The following ADGRV1 variants were observed in gnomAD, a reference collection of about 807,000 sequenced individuals.
The protein encoded by ADGRV1 is G-protein coupled receptor 98.
ADGRV1 carries 359 observed loss-of-function variants against 596.2 expected under a neutral mutation model. The observed-to-expected ratio is 0.60, with a 90% CI of 0.55 to 0.66. ADGRV1 has a LOEUF of 0.66. ADGRV1 is among the 30% of genes least tolerant of loss of function. ADGRV1 has a pLI of 0.00. For missense variants in ADGRV1, 7,274 were observed against 7,575.6 expected (o/e 0.96, Z 1.48); for synonymous variants, 2,681 against 2,679.2 (o/e 1.00, Z -0.02).
chr5:90,964,064 G>A (rs576801621), intron 83 of ADGRV1, among the ~76,000 whole-genome samples: 1 of 152,030 alleles, frequency 6.6e-6, no homozygotes, highest in South Asian at 2.1e-4. Context: ...TTTACCACAG[G>A]GATGCTGCCC....
intron 43 of ADGRV1, chr5:90,718,243 T>A (rs1007372990): frequency 1.3e-5 from 2 of 152,358 alleles, no homozygotes; most frequent in Non-Finnish European, 2.9e-5. Context: ...GTATTTACCC[T>A]TTTGTGTCTG....
intron 1 of ADGRV1, among the ~76,000 whole-genome samples, chr5:90,566,542 A>G (rs565830713): frequency 6.6e-6 from 1 of 152,052 alleles, no homozygotes; most frequent in African/African-American, 2.4e-5. Context: ...TGATTATTTT[A>G]CATATTTTGT....
At position 90,811,337 on chromosome 5, in the gene ADGRV1, A is replaced by G; in HGVS notation, c.16077A>G (p.Thr5359=). Residue 5359 remains threonine, a splice_region_variant and synonymous_variant, in exon 74 of 90, where the codon ACA becomes ACG. Coordinates refer to ENST00000405460, the MANE Select transcript of ADGRV1 (RefSeq NM_032119.4). ...CAGCTTTTGCCATGGTTATTATTAC[A>G]GGTATATCTTTGAAATGATGGAGAT... ...GFAAFAMVII[T]GSDLHNGIIG... 1.3e-6 allele frequency: 2 copies of G among 1,579,270 alleles called. No individual in the cohort carries two copies. The highest frequency in any genetic ancestry group is 1.7e-6 in the Non-Finnish European group (2 of 1,164,218).
intron 1 of ADGRV1, among the ~76,000 whole-genome samples, chr5:90,576,318 G>A (rs563118587): frequency 7.9e-5 from 12 of 151,416 alleles, no homozygotes; most frequent in Non-Finnish European, 1.5e-4. Context: ...GTGTGTCCAG[G>A]TGTTCTCATT....
chr5:90,742,813 G>A (rs975614378), intron 50 of ADGRV1, among the ~76,000 whole-genome samples: 4 of 152,186 alleles, frequency 2.6e-5, no homozygotes, highest in African/African-American at 4.8e-5. Context: ...GTAAAACCAC[G>A]GGGGTTGGTG....
intron 88 of ADGRV1, among the ~76,000 whole-genome samples, chr5:91,150,633 T>C (rs1795972437): frequency 6.6e-6 from 1 of 152,198 alleles, no homozygotes; most frequent in Admixed American, 6.5e-5. Context: ...CATAGCTCTC[T>C]TCCTCCACCC....
At chr5:90,707,312 G>A (rs1748728098) in intron 38 of ADGRV1, among the ~76,000 whole-genome samples, 1 of 152,156 alleles carries the variant, frequency 6.6e-6, no homozygotes, top group Non-Finnish European at 1.5e-5. Flanking sequence ...CACGGAGGGA[G>A]TAGGAGATAG....
chr5:90,850,046 A>G (rs1486816448), intron 79 of ADGRV1, among the ~76,000 whole-genome samples: 1 of 152,160 alleles, frequency 6.6e-6, no homozygotes, highest in African/African-American at 2.4e-5. Context: ...CAGCTTGCCA[A>G]GGGTCACACA....
intron 85 of ADGRV1, among the ~76,000 whole-genome samples, chr5:90,993,120 A>G (rs958907340): frequency 6.7e-6 from 1 of 148,376 alleles, no homozygotes; most frequent in Non-Finnish European, 1.5e-5. Context: ...TTGGTCTTCA[A>G]TCTGACAATT....
intron 11 of ADGRV1, 96 bp downstream of exon 11, chr5:90,638,044 T>TAAAAA: frequency 1.3e-6 from 1 of 751,478 alleles, no homozygotes; most frequent in South Asian, 2.4e-5. Flanking sequence ...CTATATAAAG[T>TAAAAA]AAAAAAAAAA....
chr5:90,900,554 A>G (rs1341497628), intron 83 of ADGRV1, among the ~76,000 whole-genome samples: 2 of 152,170 alleles, frequency 1.3e-5, no homozygotes, highest in African/African-American at 4.8e-5. Context: ...AAAATCAGAA[A>G]GTTTCAACAA....
Position 90,840,855 on chromosome 5 carries a change from G to A in ADGRV1, c.16889G>A (p.Gly5630Glu). Residue 5630 changes from glycine (G) to glutamate (E), a missense_variant, in exon 78 of 90, where the codon GGG (glycine) becomes GAG (glutamate). Coordinates refer to ENST00000405460, the MANE Select transcript of ADGRV1 (RefSeq NM_032119.4). ...VSDADSQAIW[G>E]LADQLHQPVN... is the part of the protein sequence containing the mutation. ...GATGCAGATTCGCAGGCCATTTGGG[G>A]GCTTGCAGATCAGCTACATCAGCCT... 1 of 1,612,364 alleles carries A rather than the reference G, an allele frequency of 6.2e-7. No homozygotes were observed. The highest frequency in any genetic ancestry group is 8.5e-7 in the Non-Finnish European group (1 of 1,178,696).
intron 28 of ADGRV1, among the ~76,000 whole-genome samples, chr5:90,685,298 T>G (rs748726891): frequency 2.8e-4 from 42 of 152,120 alleles, no homozygotes; most frequent in Non-Finnish European, 5.3e-4. Flanking sequence ...ATATAAATAG[T>G]AGGGCTGGGC....
intron 76 of ADGRV1, among the ~76,000 whole-genome samples, chr5:90,824,390 A>C (rs1763890748): frequency 6.6e-6 from 1 of 152,258 alleles, no homozygotes; most frequent in African/African-American, 2.4e-5. Flanking sequence ...AGGATTTTAG[A>C]GATCTATATG....
chr5:90,657,777 G>C, intron 20 of ADGRV1, 128 bp from the exon 21 acceptor site: 1 of 873,402 alleles, frequency 1.1e-6, no homozygotes, highest in South Asian at 2.6e-5. Context: ...TTGTATACTA[G>C]TTATGCAAAA....
At chr5:90,901,162 C>A (rs939136302) in intron 83 of ADGRV1, among the ~76,000 whole-genome samples, 3 of 152,110 alleles carry the variant, frequency 2.0e-5, no homozygotes, top group Non-Finnish European at 2.9e-5. Flanking sequence ...CTAGTCAGAC[C>A]ATTAGGCCCA....
At chr5:90,573,354 T>C (rs1756791208) in intron 1 of ADGRV1, among the ~76,000 whole-genome samples, 1 of 152,170 alleles carries the variant, frequency 6.6e-6, no homozygotes, top group Admixed American at 6.6e-5. Context: ...AATGTGTTTT[T>C]AGGTGATTTT....
At chr5:90,722,048 G>T (rs138031549) in intron 45 of ADGRV1, among the ~76,000 whole-genome samples, 7 of 152,290 alleles carry the variant, frequency 4.6e-5, no homozygotes, top group African/African-American at 1.7e-4. Context: ...GCCTTCGAGT[G>T]GTTTAGGAAT....
intron 83 of ADGRV1, among the ~76,000 whole-genome samples, chr5:90,916,846 A>G (rs551825342): frequency 5.9e-4 from 89 of 151,574 alleles, no homozygotes; most frequent in African/African-American, 1.3e-3. Context: ...TTTAGCCAGG[A>G]TGGTCTCGAT....
Sources: allele counts gnomAD v4.1 joint callset (sites outside exome capture counted in the v4.1 genomes callset), GRCh38; gene constraint gnomAD v4.1.1; transcripts MANE v1.5; gene names NCBI Gene and HGNC (gene_info 2026-07-23, HGNC 2026-07-21).